Variants in TMEM143 observed in about 807,000 individuals in gnomAD.
TMEM143 encodes transmembrane protein 143.
In TMEM143, 45 loss-of-function variants were observed where a neutral mutation model predicts 40.3. The observed-to-expected ratio is 1.12, with a 90% CI of 0.88 to 1.43. TMEM143 has a LOEUF of 1.43. Ranked by LOEUF, TMEM143 falls within the 40% of genes most tolerant of loss-of-function variation. The pLI is 0.00. For missense variants in TMEM143, 620 were observed against 613.4 expected, an observed-to-expected ratio of 1.01 and a Z score of -0.11; for synonymous variants, 299 against 282.7, an observed-to-expected ratio of 1.06 and a Z score of -0.58.
chr19:48,332,452 C>G lies in TMEM143; in HGVS notation c.*767G>C, dbSNP rs1416181451. On this transcript the variant is annotated 3_prime_UTR_variant, in exon 8 of 8. Transcript: ENST00000293261. ...ACAGGCTGCTGGTGGTGGGGAGATC[C>G]AGACCGAGGTAGTTTCTGTAGAAAG... 6.6e-6 allele frequency: 1 copy of G among 152,014 alleles called. No individual in the cohort carries two copies. Among genetic ancestry groups the G allele is most frequent in the East Asian group, 1.9e-4 (1 of 5,192 alleles). 9.4% of individuals were successfully genotyped at this position (152,014 alleles called of 1,614,324 possible).
At position 48,363,930 on chromosome 19, in the gene TMEM143, T is replaced by C. The variant is rs1284960909; in HGVS notation, c.-10A>G. 17 of 1,613,254 alleles carry C rather than the reference T, an allele frequency of 1.1e-5. No homozygotes were observed. Among genetic ancestry groups the C allele is most frequent in the African/African-American group, 2.7e-5 (2 of 74,992 alleles). On this transcript the variant is annotated 5_prime_UTR_variant, in exon 1 of 8. Transcript: ENST00000293261. ...AAAGCTCGACTGTCATTGAGCCTCC[T>C]GCGCATGTGCAGGAGGGCGTCCTGG... is the stretch of plus-strand genomic sequence containing the variant.
At chr19:48,337,870 C>T (rs531775688) in intron 6 of TMEM143, among the ~76,000 whole-genome samples, 86 of 152,230 alleles carry the variant, frequency 5.6e-4, no homozygotes, top group South Asian at 2.9e-3. Context: ...GAATAGCATG[C>T]GTTAGGGACC....
intron 4 of TMEM143, among the ~76,000 whole-genome samples, chr19:48,344,222 G>A (rs1369811175): frequency 6.6e-6 from 1 of 151,592 alleles, no homozygotes; most frequent in Non-Finnish European, 1.5e-5. Flanking sequence ...TTAGCATTTT[G>A]CGTGCTTTTA....
chr19:48,359,607 T>C (rs1024596168), intron 3 of TMEM143, among the ~76,000 whole-genome samples: 18 of 150,054 alleles, frequency 1.2e-4, no homozygotes, highest in Non-Finnish European at 2.1e-4. Flanking sequence ...CCCGGGTTCA[T>C]GCCATTCTCC....
intron 3 of TMEM143, among the ~76,000 whole-genome samples, chr19:48,359,128 C>G (rs534609711): frequency 3.0e-4 from 45 of 152,240 alleles, no homozygotes; most frequent in Admixed American, 1.8e-3. Context: ...TGAGATCGCA[C>G]CACTGCACTC....
rs1004243046 is a variant in TMEM143 at position 48,353,692 on chromosome 19, T to C, written c.369+6380A>G. ...TGATCTCATTCGGAAATAGGGTCTT[T>C]GCAGGTAGAATTAAGGTAAAGATAC... is the stretch of plus-strand genomic sequence containing the variant. On this transcript the variant is annotated intron_variant, in intron 3 of 7. Coordinates refer to ENST00000293261, the MANE Select transcript of TMEM143 (RefSeq NM_018273.4). Among the ~76,000 whole-genome samples the C allele has an allele frequency of 2.0e-5, 3 of 151,748 alleles. No homozygotes were observed. The East Asian group carries it at 5.8e-4, about 29-fold the overall frequency.
intron 6 of TMEM143, among the ~76,000 whole-genome samples, 162 bp downstream of exon 6, chr19:48,342,368 A>C (rs1348418995): frequency 1.8e-5 from 1 of 54,102 alleles, no homozygotes. Context: ...CAGGGAGGGA[A>C]GGGAAGGGAA....
intron 3 of TMEM143, among the ~76,000 whole-genome samples, chr19:48,351,866 C>T (rs1969781391): frequency 6.6e-6 from 1 of 152,072 alleles, no homozygotes; most frequent in South Asian, 2.1e-4. Flanking sequence ...AAGAAAAATA[C>T]AGTCATCCCT....
chr19:48,344,770 G>A (rs971272386), intron 4 of TMEM143, among the ~76,000 whole-genome samples: 9 of 152,026 alleles, frequency 5.9e-5, no homozygotes, highest in Admixed American at 6.6e-5. Flanking sequence ...GCAATGGCAC[G>A]ATCTCAGCTC....
At chr19:48,339,915 G>C (rs1271100786) in intron 6 of TMEM143, among the ~76,000 whole-genome samples, 3 of 151,682 alleles carry the variant, frequency 2.0e-5, no homozygotes, top group Non-Finnish European at 2.9e-5. Flanking sequence ...TTTTAGTAGA[G>C]ATGGGGTTTC....
intron 4 of TMEM143, 29 bp downstream of exon 4, chr19:48,345,131 G>A (rs770963098): frequency 6.2e-7 from 1 of 1,608,022 alleles, no homozygotes; most frequent in Non-Finnish European, 8.5e-7. Flanking sequence ...GGCCTCCTGG[G>A]AGTTTTGTTC....
intron 3 of TMEM143, among the ~76,000 whole-genome samples, chr19:48,346,480 C>T (rs753956832): frequency 1.3e-5 from 2 of 152,186 alleles, no homozygotes; most frequent in Non-Finnish European, 2.9e-5. Context: ...CTCTCTATCT[C>T]CTTTGCTGCT....
chr19:48,343,219 G>A lies in TMEM143; in HGVS notation c.695+102C>T, dbSNP rs3760790. Reference sequence around the variant, plus strand: ...CACGCCTCCCATTTCTCAACTTCCCGCCTGGGGCCCAGACACCCAAACCAG... The same window carrying A: ...CACGCCTCCCATTTCTCAACTTCCCACCTGGGGCCCAGACACCCAAACCAG... On this transcript the variant is annotated intron_variant, in intron 5 of 7. Transcript: ENST00000293261. The A allele has an allele frequency of 0.16, 228,526 of 1,434,096 alleles. 19,555 individuals are homozygous for A. Among genetic ancestry groups the A allele is most frequent in the African/African-American group, 0.27 (19,067 of 69,946 alleles). The allele number at this position is 1,434,096 out of a possible 1,614,324, so 88.8% of individuals were successfully genotyped here.
chr19:48,339,827 CAAGTGATT>C (rs1447497638), intron 6 of TMEM143, among the ~76,000 whole-genome samples: 1 of 152,158 alleles, frequency 6.6e-6, no homozygotes, highest in East Asian at 1.9e-4. Context: ...CTCCCGAGTT[CAAGTGATT>C]CTCCTGCCTC....
intron 3 of TMEM143, chr19:48,359,833 T>C: frequency 2.1e-6 from 1 of 469,496 alleles, no homozygotes; most frequent in Non-Finnish European, 3.8e-6. Flanking sequence ...ATCTCACTAC[T>C]CCGCCTCATT....
chr19:48,335,795 G>A (rs1443755889), intron 6 of TMEM143, among the ~76,000 whole-genome samples: 2 of 152,144 alleles, frequency 1.3e-5, no homozygotes, highest in African/African-American at 2.4e-5. Flanking sequence ...TCATGAGGCT[G>A]AAGCAGGAGA....
At chr19:48,343,284 C>T (rs769332784) in intron 5 of TMEM143, 37 bp downstream of exon 5, 1 of 1,599,412 alleles carries the variant, frequency 6.3e-7, no homozygotes, top group Non-Finnish European at 8.5e-7. Context: ...TAACCTTGCT[C>T]CCTCTTGCTG....
intron 3 of TMEM143, among the ~76,000 whole-genome samples, chr19:48,357,319 C>A (rs1391060664): frequency 6.6e-6 from 1 of 151,112 alleles, no homozygotes; most frequent in Non-Finnish European, 1.5e-5. Context: ...CTCCCTTCAC[C>A]TCCAGATCCA....
chr19:48,361,759 C>T (rs956585449), intron 2 of TMEM143, among the ~76,000 whole-genome samples: 1 of 149,910 alleles, frequency 6.7e-6, no homozygotes, highest in Admixed American at 6.7e-5. Context: ...AATCTCCTGA[C>T]CTCGTGATCT....
Sources: gnomAD v4.1 joint callset for allele counts (sites outside exome capture counted in the v4.1 genomes callset) on GRCh38, gnomAD v4.1.1 for gene constraint, MANE v1.5 for transcripts, NCBI Gene and HGNC (gene_info 2026-07-23, HGNC 2026-07-21) for gene names.